The following KLF7 variants were observed in gnomAD, a reference collection of about 807,000 sequenced individuals.
KLF7 encodes KLF transcription factor 7, also known as Krueppel-like factor 7.
Under a neutral mutation model 27.3 loss-of-function variants are expected in KLF7, and 2 were observed. The ratio of observed to expected loss-of-function variants is 0.07; its 90% CI spans 0.03 to 0.23. The LOEUF (loss-of-function observed/expected upper bound fraction) is 0.23. Among genes scored for constraint, KLF7 ranks in the 10% least tolerant of loss-of-function variants. KLF7 has a pLI of 1.00. For synonymous variants in KLF7, 165 were observed against 162.4 expected (o/e 1.02, Z -0.12); for missense variants, 221 against 394.1 (o/e 0.56, Z 3.72).
intron 1 of KLF7, among the ~76,000 whole-genome samples, chr2:207,156,309 C>T (rs1315159922): frequency 1.3e-5 from 2 of 152,228 alleles, no homozygotes; most frequent in Admixed American, 1.3e-4. Context: ...GCCTCCTTGC[C>T]GGAATGTCCT....
intron 2 of KLF7, among the ~76,000 whole-genome samples, chr2:207,089,336 C>T (rs1344645626): frequency 1.3e-5 from 2 of 152,166 alleles, no homozygotes; most frequent in African/African-American, 2.4e-5. Flanking sequence ...AAGGTTTTAG[C>T]CACAGGGAAG....
At chr2:207,104,389 T>C (rs1216625299) in intron 2 of KLF7, among the ~76,000 whole-genome samples, 2 of 152,204 alleles carry the variant, frequency 1.3e-5, no homozygotes, top group Non-Finnish European at 2.9e-5. Flanking sequence ...AGACAATACA[T>C]GCATCTCTGT....
chr2:207,119,941 G>A (rs2077292613), intron 2 of KLF7, among the ~76,000 whole-genome samples: 1 of 152,128 alleles, frequency 6.6e-6, no homozygotes, highest in South Asian at 2.1e-4. Flanking sequence ...TGATCCACCT[G>A]CCTAGGCCTC....
chr2:207,143,232 C>G (rs2077994141), intron 1 of KLF7, among the ~76,000 whole-genome samples: 1 of 152,114 alleles, frequency 6.6e-6, no homozygotes, highest in South Asian at 2.1e-4. Flanking sequence ...TCTGATTTGC[C>G]TGGTAGCTGA....
intron 3 of KLF7, among the ~76,000 whole-genome samples, chr2:207,084,527 T>C (rs2076344091): frequency 6.6e-6 from 1 of 152,176 alleles, no homozygotes; most frequent in Non-Finnish European, 1.5e-5. Flanking sequence ...TCATTATTTG[T>C]TCAAATTCCA....
chr2:207,088,363 G>C, intron 3 of KLF7, 95 bp downstream of exon 3: 1 of 1,425,320 alleles, frequency 7.0e-7, no homozygotes, highest in South Asian at 1.4e-5. Flanking sequence ...CTGTGAGTCA[G>C]ACCTGTGATA....
At chr2:207,168,814 C>CT (rs2078764505), upstream of KLF7, among the ~76,000 whole-genome samples, 1 of 152,134 alleles carries the variant, frequency 6.6e-6, no homozygotes, top group Non-Finnish European at 1.5e-5. Context: ...TTTTTATACC[C>CT]TAGAGACCCA....
In KLF7 at chr2:207,113,408, G is replaced by A. The variant is rs970593779; in HGVS notation, c.733+10366C>T. 3.9e-5 allele frequency among the ~76,000 whole-genome samples: 6 copies of A among 152,178 alleles called. No individual in the cohort carries two copies. In the South Asian group the frequency reaches 8.3e-4, roughly 21 times the overall value. On this transcript the variant is annotated intron_variant, in intron 2 of 3. Coordinates refer to ENST00000309446, the MANE Select transcript of KLF7 (RefSeq NM_003709.4). ...AGTTGAGAAGGCAGGATGAGGGGCCGCAGGTGCCAGACATTGTGTAGAATT... is the reference window on the plus strand; with the variant it reads ...AGTTGAGAAGGCAGGATGAGGGGCCACAGGTGCCAGACATTGTGTAGAATT...
At chr2:207,144,787 A>G (rs1021189283) in intron 1 of KLF7, among the ~76,000 whole-genome samples, 2 of 152,224 alleles carry the variant, frequency 1.3e-5, no homozygotes, top group African/African-American at 4.8e-5. Flanking sequence ...ATGCAGATCA[A>G]GTAAATGTCT....
In KLF7 at chr2:207,123,782, G is replaced by C; in HGVS notation, c.725C>G (p.Thr242Ser). The C allele has an allele frequency of 6.2e-7, 1 of 1,612,808 alleles. No homozygotes were observed. The highest frequency in any genetic ancestry group is 8.5e-7 in the Non-Finnish European group (1 of 1,179,300). The change falls in exon 2 of 4, where the codon ACT becomes AGT. Residue 242 changes from threonine (T) to serine (S), a missense_variant. By Grantham distance (58) the Thr-to-Ser change is moderately conservative. Around this residue, in one of 3 missense-constraint regions of KLF7, gnomAD observed 30 missense variants for 115.4 expected, o/e 0.26. Transcript: ENST00000309446. ...KSSHLKAHQR[T>S]HTGEKPYKCS... ...CCAACTTGTACCACTACCTGTGTGA[G>C]TCCTCTGGTGGGCCTTTAAGTGGGA...
At position 207,129,630 on chromosome 2, in the gene KLF7, C is replaced by T. The variant is rs1029811996; in HGVS notation, c.103-5226G>A. ...TAGCATTCTCACTTGTTGCAACACA[C>T]TTATTAAAAGTAATAATCCAAGACC... On this transcript the variant is annotated intron_variant, in intron 1 of 3. Transcript: ENST00000309446. 3.9e-5 allele frequency among the ~76,000 whole-genome samples: 6 copies of T among 152,258 alleles called. No homozygotes were observed. In the East Asian group the frequency reaches 7.7e-4, roughly 20 times the overall value.
At chr2:207,136,337 C>G (rs2077788630) in intron 1 of KLF7, among the ~76,000 whole-genome samples, 3 of 152,176 alleles carry the variant, frequency 2.0e-5, no homozygotes, top group Admixed American at 2.0e-4. Flanking sequence ...TGCTTCTCCC[C>G]TTCAGACAGG....
intron 2 of KLF7, among the ~76,000 whole-genome samples, chr2:207,097,437 G>A (rs2076657560): frequency 6.6e-6 from 1 of 152,132 alleles, no homozygotes. Flanking sequence ...AGACACACAG[G>A]AAGCCAGAGA....
intron 1 of KLF7, among the ~76,000 whole-genome samples, chr2:207,134,922 G>A (rs1014453683): frequency 2.6e-5 from 4 of 152,206 alleles, no homozygotes; most frequent in Non-Finnish European, 4.4e-5. Flanking sequence ...ACTTGGAAGG[G>A]CTGGGCATGC....
intron 2 of KLF7, among the ~76,000 whole-genome samples, chr2:207,102,239 C>G (rs776133578): frequency 4.6e-5 from 7 of 151,876 alleles, no homozygotes; most frequent in Non-Finnish European, 8.8e-5. Flanking sequence ...CCCACACAAT[C>G]TGTCATCCTA....
chr2:207,165,384 T>A, intron 1 of KLF7, 83 bp downstream of exon 1: 5 of 1,575,534 alleles, frequency 3.2e-6, no homozygotes, highest in Non-Finnish European at 3.4e-6. Flanking sequence ...CAAACAAAAA[T>A]TTCAACCCAG....
intron 1 of KLF7, among the ~76,000 whole-genome samples, chr2:207,152,275 ACACACACACACACACACACAC>A (rs879776114): frequency 0.2 from 476 of 2,350 alleles, 1 homozygote; most frequent in Non-Finnish European, 0.46. Context: ...TTTTTCTTAC[ACACACACACACACACACACAC>A]ACACACACAC....
intron 2 of KLF7, among the ~76,000 whole-genome samples, chr2:207,122,740 T>C (rs2077372895): frequency 1.3e-5 from 2 of 152,200 alleles, no homozygotes; most frequent in Admixed American, 6.5e-5. Context: ...CTAGCTCATA[T>C]GCTATCACTG....
intron 1 of KLF7, among the ~76,000 whole-genome samples, chr2:207,143,849 C>T (rs937168363): frequency 3.3e-5 from 5 of 152,096 alleles, no homozygotes; most frequent in South Asian, 2.1e-4. Context: ...GCTTCAGGGC[C>T]GGAAAGAGAG....
Sources: gnomAD v4.1 joint callset for allele counts (sites outside exome capture counted in the v4.1 genomes callset) on GRCh38, gnomAD v4.1.1 for gene constraint, gnomAD v4.1.1 regional missense constraint, MANE v1.5 for transcripts, NCBI Gene and HGNC (gene_info 2026-07-23, HGNC 2026-07-21) for gene names.